Variants in ARHGEF10 observed in about 807,000 individuals in gnomAD.
ARHGEF10 encodes Rho guanine nucleotide exchange factor (GEF) 10.
A neutral mutation model predicts 147.4 loss-of-function variants in ARHGEF10; 140 were observed. The ratio of observed to expected loss-of-function variants is 0.95; its 90% CI spans 0.83 to 1.09. The LOEUF is 1.09. ARHGEF10 is among the 50% of genes least tolerant of loss of function. ARHGEF10 has a pLI of 0.00. For synonymous variants in ARHGEF10, 902 were observed against 695.8 expected (o/e 1.30, Z -4.67); for missense variants, 2,222 against 1,752.7 (o/e 1.27, Z -4.78).
chr8:1,837,032 C>A (rs1803626418), intron 1 of ARHGEF10, among the ~76,000 whole-genome samples: 2 of 152,246 alleles, frequency 1.3e-5, no homozygotes, highest in South Asian at 4.1e-4. Context: ...GTCTCAGATA[C>A]ATCTTTATCA....
At chr8:1,895,655 G>A (rs11986275) in intron 13 of ARHGEF10, among the ~76,000 whole-genome samples, 13,518 of 152,078 alleles carry the variant, frequency 0.089, 1,655 homozygotes, top group African/African-American at 0.28. Flanking sequence ...AATGCAAACA[G>A]ATTTTTTAAA....
At chr8:1,924,710 A>G (rs1262587774) in intron 21 of ARHGEF10, among the ~76,000 whole-genome samples, 3 of 152,210 alleles carry the variant, frequency 2.0e-5, no homozygotes, top group South Asian at 2.1e-4. Flanking sequence ...GGTCAGGTTC[A>G]GAGTGACTTA....
At chr8:1,951,420 A>T (rs1337636096) in intron 27 of ARHGEF10, among the ~76,000 whole-genome samples, 2 of 152,222 alleles carry the variant, frequency 1.3e-5, no homozygotes, top group African/African-American at 4.8e-5. Context: ...AATTCCTGGG[A>T]CATGCATATT....
intron 6 of ARHGEF10, 119 bp from the exon 7 acceptor site, chr8:1,869,075 C>A: frequency 1.1e-6 from 1 of 923,576 alleles, no homozygotes; most frequent in Admixed American, 1.9e-5. Context: ...AAAAAACTAC[C>A]CTTATAAACC....
chr8:1,864,563 C>A, intron 5 of ARHGEF10, 127 bp downstream of exon 5: 1 of 905,836 alleles, frequency 1.1e-6, no homozygotes, highest in Non-Finnish European at 1.8e-6. Context: ...TGTCCCAACC[C>A]CACCTCCTGC....
At chr8:1,888,460 G>C (rs1006612551) in intron 11 of ARHGEF10, among the ~76,000 whole-genome samples, 1 of 145,724 alleles carries the variant, frequency 6.9e-6, no homozygotes, top group Non-Finnish European at 1.5e-5. Context: ...ACTGAGTGGG[G>C]TGAGGGGTAT....
intron 1 of ARHGEF10, among the ~76,000 whole-genome samples, chr8:1,832,420 A>C (rs1239464027): frequency 1.5e-5 from 2 of 131,426 alleles, no homozygotes; most frequent in African/African-American, 5.8e-5. Context: ...GCAGAGACAG[A>C]GAGAGACAGA....
rs144629822 is a variant in ARHGEF10 at position 1,843,286 on chromosome 8, C to T, written c.-47-67C>T. The T allele has an allele frequency of 7.5e-4, 953 of 1,264,850 alleles. No homozygotes were observed. In the African/African-American group the frequency reaches 8.9e-3, roughly 12 times the overall value. 78.4% of individuals were successfully genotyped at this position (1,264,850 alleles called of 1,614,324 possible). On this transcript the variant is annotated intron_variant, in intron 1 of 28. Transcript: ENST00000349830. ...TTTTTGCGGGGTTCTCTGTCGACAG[C>T]CCTACACCTATTGAGTGCATGTTTA...
chr8:1,911,555 G>C (rs1451107472), intron 18 of ARHGEF10, among the ~76,000 whole-genome samples: 1 of 152,204 alleles, frequency 6.6e-6, no homozygotes, highest in Non-Finnish European at 1.5e-5. Context: ...TAAGAGCATG[G>C]TGCTGTCTTG....
chr8:1,826,128 T>A, intron 1 of ARHGEF10: 3 of 1,594,574 alleles, frequency 1.9e-6, no homozygotes, highest in Non-Finnish European at 2.5e-6. Flanking sequence ...CTCCAGGATT[T>A]CTCAGCAGTA....
chr8:1,855,705 C>T (rs562145627), intron 2 of ARHGEF10, among the ~76,000 whole-genome samples: 29 of 152,212 alleles, frequency 1.9e-4, no homozygotes, highest in Admixed American at 9.8e-4. Context: ...TAAACATTTT[C>T]ACTGATCATT....
intron 10 of ARHGEF10, among the ~76,000 whole-genome samples, chr8:1,883,055 C>T (rs1808353678): frequency 6.6e-6 from 1 of 152,200 alleles, no homozygotes. Flanking sequence ...GTATTGGACT[C>T]TGTATTTATA....
At chr8:1,825,576 G>A (rs936441244) in intron 1 of ARHGEF10, among the ~76,000 whole-genome samples, 1 of 150,574 alleles carries the variant, frequency 6.6e-6, no homozygotes, top group East Asian at 2.0e-4. Flanking sequence ...TGAGGAAACT[G>A]CCCTAGGTCC....
intron 7 of ARHGEF10, among the ~76,000 whole-genome samples, chr8:1,874,765 G>A (rs539629098): frequency 7.1e-6 from 1 of 140,378 alleles, no homozygotes; most frequent in Non-Finnish European, 1.5e-5. Context: ...AGGAACAGTG[G>A]AGACACACAC....
intron 14 of ARHGEF10, among the ~76,000 whole-genome samples, chr8:1,897,753 A>G (rs1271690941): frequency 6.6e-6 from 1 of 151,970 alleles, no homozygotes; most frequent in African/African-American, 2.4e-5. Flanking sequence ...ATTTTGCTGT[A>G]CTCCCATTAA....
intron 1 of ARHGEF10, among the ~76,000 whole-genome samples, chr8:1,840,746 A>C (rs1456361308): frequency 6.6e-6 from 1 of 152,164 alleles, no homozygotes; most frequent in East Asian, 1.9e-4. Context: ...TGGTCCAAGC[A>C]TGTCTGTCTG....
chr8:1,920,749 G>A (rs958249048), intron 18 of ARHGEF10, among the ~76,000 whole-genome samples: 12 of 151,714 alleles, frequency 7.9e-5, no homozygotes, highest in South Asian at 2.1e-4. Context: ...ATAAAGTTGC[G>A]ATGTGTAACT....
At chr8:1,856,550 G>A (rs116237490) in intron 2 of ARHGEF10, among the ~76,000 whole-genome samples, 270 of 152,360 alleles carry the variant, frequency 1.8e-3, no homozygotes, top group African/African-American at 6.1e-3. Flanking sequence ...AGAGTTCCCC[G>A]GGAGGCGACT....
intron 2 of ARHGEF10, among the ~76,000 whole-genome samples, chr8:1,847,666 C>T (rs781029354): frequency 3.3e-5 from 5 of 152,104 alleles, no homozygotes; most frequent in African/African-American, 7.2e-5. Context: ...AGCTACAAAC[C>T]GCAGTGACAC....
Sources: allele counts gnomAD v4.1 joint callset (sites outside exome capture counted in the v4.1 genomes callset), GRCh38; gene constraint gnomAD v4.1.1; transcripts MANE v1.5; gene names NCBI Gene and HGNC (gene_info 2026-07-23, HGNC 2026-07-21).